The following ZFR variants were observed in gnomAD, a reference collection of about 807,000 sequenced individuals.
ZFR encodes the protein zinc finger RNA-binding protein.
A neutral mutation model predicts 130.7 loss-of-function variants in ZFR; 19 were observed. That is an observed-to-expected ratio of 0.15 (90% CI 0.10 to 0.21). The LOEUF (loss-of-function observed/expected upper bound fraction) is 0.21. Ranked by LOEUF, ZFR falls within the 10% of genes least tolerant of loss-of-function variation. The pLI, the probability that ZFR is intolerant of heterozygous loss-of-function variation, is 1.00. For synonymous variants in ZFR, 466 were observed against 456.9 expected, an observed-to-expected ratio of 1.02 and a Z score of -0.25; for missense variants, 872 against 1,321.5, an observed-to-expected ratio of 0.66 and a Z score of 5.27.
chr5:32,419,149 C>T (rs1753897266), intron 3 of ZFR, among the ~76,000 whole-genome samples: 1 of 152,126 alleles, frequency 6.6e-6, no homozygotes, highest in South Asian at 2.1e-4. Flanking sequence ...ATGAATAATG[C>T]TCTAGTACAA....
intron 5 of ZFR, among the ~76,000 whole-genome samples, chr5:32,412,933 T>C (rs1313737664): frequency 6.6e-6 from 1 of 152,172 alleles, no homozygotes; most frequent in African/African-American, 2.4e-5. Flanking sequence ...GCCTGTATTG[T>C]AATCCCAGCA....
At chr5:32,356,617 C>T (rs907965053) in intron 19 of ZFR, among the ~76,000 whole-genome samples, 20 of 151,582 alleles carry the variant, frequency 1.3e-4, no homozygotes, top group Admixed American at 5.9e-4. Context: ...GACGGGGTTT[C>T]ACTGTGTTAG....
intron 5 of ZFR, among the ~76,000 whole-genome samples, chr5:32,407,663 A>G (rs186153555): frequency 6.6e-6 from 1 of 152,130 alleles, no homozygotes; most frequent in Admixed American, 6.5e-5. Flanking sequence ...GAAAATATAG[A>G]ACAACTGTTA....
chr5:32,431,599 A>C (rs1432183506), intron 2 of ZFR, among the ~76,000 whole-genome samples: 1 of 152,224 alleles, frequency 6.6e-6, no homozygotes, highest in African/African-American at 2.4e-5. Context: ...AAAGTAATTG[A>C]TAGATACAAC....
At chr5:32,415,515 T>TGC (rs70961629) in intron 4 of ZFR, among the ~76,000 whole-genome samples, 47 of 97,986 alleles carry the variant, frequency 4.8e-4, no homozygotes, top group East Asian at 9.9e-4. Flanking sequence ...TGTGTGTGTG[T>TGC]GCGCGCGCGC....
intron 7 of ZFR, among the ~76,000 whole-genome samples, chr5:32,403,644 T>A (rs544973791): frequency 2.0e-5 from 3 of 152,332 alleles, no homozygotes; most frequent in African/African-American, 7.2e-5. Flanking sequence ...ATGAACAGAC[T>A]TGGCTACATT....
Position 32,364,216 on chromosome 5 carries a change from C to T in ZFR, c.2895G>A (p.Gly965=), listed in dbSNP as rs764290897. ...ISSASSPQSP[G]DALRRVFECI... ...ATTCAAAAACTCTTCTCAGTGCATC[C>T]CCAGGGCTCTGAGGGCTAGAAGCAC... Residue 965 remains glycine, a synonymous_variant, in exon 18 of 20, where the codon GGG becomes GGA. Coordinates refer to ENST00000265069, the MANE Select transcript of ZFR (RefSeq NM_016107.5). 2.5e-6 allele frequency: 4 copies of T among 1,612,824 alleles called. No individual in the cohort carries two copies. The Admixed American group carries it at 5.0e-5, about 20-fold the overall frequency.
In ZFR at chr5:32,444,240, C is replaced by G; in HGVS notation, c.126G>C (p.Ala42=). 6.3e-7 allele frequency: 1 copy of G among 1,585,556 alleles called. No individual in the cohort carries two copies. The highest frequency in any genetic ancestry group is 2.3e-5 in the East Asian group (1 of 43,332). Residue 42 remains alanine, a synonymous_variant, in exon 2 of 20, where the codon GCG becomes GCC. Transcript: ENST00000265069. ...THSGAAAAAA[A]AQYSQQPASG... ...CAGGATGCCGTTACCTATATTGGGCCGCAGCCGCCGCCGCCGCCGCCCCGC... is the reference window on the plus strand; with the variant it reads ...CAGGATGCCGTTACCTATATTGGGCGGCAGCCGCCGCCGCCGCCGCCCCGC...
At position 32,372,030 on chromosome 5, in the gene ZFR, T is replaced by A. The variant is rs187441705; in HGVS notation, c.2835+7085A>T. ...AAGCTCTAGGAGTCCATTCTTGGATTGAAACCTGAAACTGAAGGGGTGGCA... is the reference window on the plus strand; with the variant it reads ...AAGCTCTAGGAGTCCATTCTTGGATAGAAACCTGAAACTGAAGGGGTGGCA... On this transcript the variant is annotated intron_variant, in intron 17 of 19. Transcript: ENST00000265069. 2.2e-3 allele frequency among the ~76,000 whole-genome samples: 340 copies of A among 152,274 alleles called. 3 individuals are homozygous for A. The highest frequency in any genetic ancestry group is 7.5e-3 in the African/African-American group (310 of 41,550).
chr5:32,407,109 C>G (rs1344127892), intron 5 of ZFR, 88 bp from the exon 6 acceptor site: 4 of 1,165,320 alleles, frequency 3.4e-6, no homozygotes, highest in Non-Finnish European at 4.7e-6. Context: ...ATTAATCCTG[C>G]CAATAAAGAT....
intron 6 of ZFR, among the ~76,000 whole-genome samples, chr5:32,405,984 T>A (rs907919539): frequency 3.4e-4 from 52 of 152,196 alleles, no homozygotes; most frequent in Admixed American, 7.2e-4. Context: ...GGATATAACT[T>A]GGAGAAGCTA....
At chr5:32,434,871 C>T (rs1261740972) in intron 2 of ZFR, among the ~76,000 whole-genome samples, 7 of 151,938 alleles carry the variant, frequency 4.6e-5, no homozygotes, top group Non-Finnish European at 8.8e-5. Flanking sequence ...TACAATAAAC[C>T]CTGAAGGATA....
intron 17 of ZFR, among the ~76,000 whole-genome samples, chr5:32,374,287 C>G (rs1752745910): frequency 6.6e-6 from 1 of 152,120 alleles, no homozygotes; most frequent in South Asian, 2.1e-4. Flanking sequence ...GGGCGGATCA[C>G]TTGAGGTCAG....
At chr5:32,412,735 T>C (rs1301719994) in intron 5 of ZFR, among the ~76,000 whole-genome samples, 1 of 152,224 alleles carries the variant, frequency 6.6e-6, no homozygotes, top group African/African-American at 2.4e-5. Flanking sequence ...GTAAAGCATA[T>C]TGCTTATAAA....
intron 2 of ZFR, among the ~76,000 whole-genome samples, chr5:32,438,302 C>T (rs1483532495): frequency 2.7e-5 from 3 of 113,190 alleles, no homozygotes; most frequent in African/African-American, 6.8e-5. Flanking sequence ...TCACTCTTGT[C>T]GCCCAGGCTG....
At chr5:32,375,829 T>C (rs1407408956) in intron 17 of ZFR, among the ~76,000 whole-genome samples, 4 of 150,334 alleles carry the variant, frequency 2.7e-5, no homozygotes, top group Admixed American at 6.6e-5. Flanking sequence ...CATCTATCGA[T>C]TTATAGTTTT....
At position 32,390,387 on chromosome 5, in the gene ZFR, T is replaced by C. The variant is rs370641170; in HGVS notation, c.2030A>G (p.His677Arg). ...YWRRMEEEQH[H>R]WDDRRRMPDG... is the part of the protein sequence containing the mutation. ...TGGCATTCGGCGGCGATCATCCCAA[T>C]GATGTTGTTCTTCCTCCATTCTCCT... The change falls in exon 12 of 20, where the codon CAT (histidine) becomes CGT (arginine). Residue 677 changes from histidine to arginine, a missense_variant. Physicochemically the swap from His to Arg is conservative, Grantham distance 29. Coordinates refer to ENST00000265069, the MANE Select transcript of ZFR (RefSeq NM_016107.5). 1 of 1,614,064 alleles carries C rather than the reference T, an allele frequency of 6.2e-7. No individual in the cohort carries two copies. Among genetic ancestry groups the C allele is most frequent in the African/African-American group, 1.3e-5 (1 of 74,924 alleles).
At chr5:32,432,417 G>A (rs1200511833) in intron 2 of ZFR, among the ~76,000 whole-genome samples, 4 of 152,088 alleles carry the variant, frequency 2.6e-5, no homozygotes, top group Non-Finnish European at 5.9e-5. Context: ...GATGTTGAGC[G>A]TCTTTTCATA....
chr5:32,418,740 T>TA (rs1753888251), intron 3 of ZFR, among the ~76,000 whole-genome samples: 1 of 152,250 alleles, frequency 6.6e-6, no homozygotes, highest in African/African-American at 2.4e-5. Flanking sequence ...TTCAATTTTT[T>TA]ACTGCATAAA....
Sources: gnomAD v4.1 joint callset for allele counts (sites outside exome capture counted in the v4.1 genomes callset) on GRCh38, gnomAD v4.1.1 for gene constraint, MANE v1.5 for transcripts, NCBI Gene and HGNC (gene_info 2026-07-23, HGNC 2026-07-21) for gene names.